Variants in DOP1B observed in about 807,000 individuals in gnomAD.
DOP1B encodes protein DOP1B.
In DOP1B, 174 loss-of-function variants were observed where a neutral mutation model predicts 233.5. The ratio of observed to expected loss-of-function variants is 0.75; its 90% CI spans 0.66 to 0.85. The LOEUF is 0.85. Ranked by LOEUF, DOP1B falls within the 40% of genes least tolerant of loss-of-function variation. DOP1B has a pLI of 0.00. For synonymous variants in DOP1B, 1,190 were observed against 1,185.6 expected, an observed-to-expected ratio of 1.00 and a Z score of -0.08; for missense variants, 2,652 against 2,846.6, an observed-to-expected ratio of 0.93 and a Z score of 1.56.
At chr21:36,170,040 C>T (rs1238054505) in intron 2 of DOP1B, 1 of 728,386 alleles carries the variant, frequency 1.4e-6, no homozygotes. Flanking sequence ...CCTTGTATCC[C>T]AGGAAGGCTG....
intron 27 of DOP1B, among the ~76,000 whole-genome samples, chr21:36,270,552 C>CAAAAAAA (rs398040600): frequency 2.7e-5 from 1 of 36,826 alleles, no homozygotes. Context: ...GACTCCGTCT[C>CAAAAAAA]AAAAAAAAAA....
intron 2 of DOP1B, among the ~76,000 whole-genome samples, chr21:36,179,689 G>T (rs1483477888): frequency 7.2e-5 from 11 of 152,106 alleles, no homozygotes; most frequent in Admixed American, 7.2e-4. Context: ...TAAATAAGGG[G>T]GAAGAAAGGA....
Position 36,246,618 on chromosome 21 carries a change from C to T in DOP1B, c.4638C>T (p.Cys1546=). ...WTVTPFVVQI[C]KNLDDLVKQY... ...TGACACCCTTTGTTGTCCAGATTTG[C>T]AAAAACTTGGATGACTTGGTCAAGC... The change falls in exon 19 of 37, where the codon TGC becomes TGT. Residue 1546 remains cysteine, a synonymous_variant. Coordinates refer to ENST00000691173, the MANE Select transcript of DOP1B (RefSeq NM_001320714.2). This position sits in a 1 kb window ranked among gnomAD's most constrained non-coding sequence, Gnocchi z 5.1. 1 of 1,614,092 alleles carries T rather than the reference C, an allele frequency of 6.2e-7. No homozygotes were observed. Among genetic ancestry groups the T allele is most frequent in the Non-Finnish European group, 8.5e-7 (1 of 1,180,036 alleles).
At chr21:36,204,683 C>G (rs2066408143) in intron 4 of DOP1B, among the ~76,000 whole-genome samples, 1 of 54,320 alleles carries the variant, frequency 1.8e-5, no homozygotes. Context: ...TTGAGACAGT[C>G]TCGCTCTGTC....
intron 21 of DOP1B, among the ~76,000 whole-genome samples, chr21:36,249,484 T>C (rs989442812): frequency 2.6e-5 from 4 of 152,138 alleles, no homozygotes; most frequent in African/African-American, 4.8e-5. Context: ...CACCTCTAAA[T>C]GATCTAGAGA....
At chr21:36,222,523 T>C (rs2123521081) in intron 10 of DOP1B, among the ~76,000 whole-genome samples, 1 of 151,170 alleles carries the variant, frequency 6.6e-6, no homozygotes, top group East Asian at 2.0e-4. Flanking sequence ...GAGGCAGAGA[T>C]TGCAGTGAGC....
At chr21:36,289,458 TG>T (rs2067531909) in intron 35 of DOP1B, among the ~76,000 whole-genome samples, 1 of 149,078 alleles carries the variant, frequency 6.7e-6, no homozygotes, top group East Asian at 2.0e-4. Context: ...TGTGTGTGTG[TG>T]TGTGTGTGTG....
At chr21:36,171,664 G>C (rs758264570) in intron 2 of DOP1B, among the ~76,000 whole-genome samples, 5 of 152,182 alleles carry the variant, frequency 3.3e-5, no homozygotes, top group Non-Finnish European at 7.3e-5. Context: ...GGAGAGGCAC[G>C]GGACAGATTG....
In DOP1B at chr21:36,200,521, A is replaced by G. The variant is rs1048903882; in HGVS notation, c.491+20A>G. 6.3e-7 allele frequency: 1 copy of G among 1,588,948 alleles called. No homozygotes were observed. The highest frequency in any genetic ancestry group is 1.3e-5 in the African/African-American group (1 of 74,390). The stretch of plus-strand genomic sequence containing the variant: ...CGACAGGTGCGTGGGCGTCTTGTCC[A>G]GGCTGTGTTTACTCCACTGCTTTAT... On this transcript the variant is annotated intron_variant, in intron 4 of 36. Transcript: ENST00000691173.
chr21:36,208,000 A>T (rs2066448008), intron 4 of DOP1B, among the ~76,000 whole-genome samples: 1 of 152,178 alleles, frequency 6.6e-6, no homozygotes, highest in Non-Finnish European at 1.5e-5. Context: ...TGCTTCTCTT[A>T]AAAGGATGCA....
intron 8 of DOP1B, 119 bp from the exon 9 acceptor site, chr21:36,214,323 G>T: frequency 7.9e-7 from 1 of 1,261,662 alleles, no homozygotes; most frequent in South Asian, 1.4e-5. Context: ...GGTATTTGTT[G>T]CATGCTGGGT....
Position 36,281,504 on chromosome 21 carries a change from A to G in DOP1B, c.6053A>G (p.Lys2018Arg). 1 of 1,605,338 alleles carries G rather than the reference A, an allele frequency of 6.2e-7. No individual in the cohort carries two copies. Among genetic ancestry groups the G allele is most frequent in the Non-Finnish European group, 8.5e-7 (1 of 1,172,802 alleles). The change falls in exon 32 of 37, where the codon AAA (lysine) becomes AGA (arginine). Residue 2018 changes from lysine to arginine, a missense_variant. Around this residue, in one of 3 missense-constraint regions of DOP1B, gnomAD observed 2,617 missense variants for 2,794.3 expected, o/e 0.94. Coordinates refer to ENST00000691173, the MANE Select transcript of DOP1B (RefSeq NM_001320714.2). ...DLMNMQSSSL[K>R]LFSSFEQKAM... ...CTAGACATGCAGAGCAGTTCTTTGA[A>G]ACTATTCTCAAGTTTTGAACAGAAA...
At chr21:36,279,731 T>A (rs750810827) in intron 30 of DOP1B, among the ~76,000 whole-genome samples, 5 of 152,250 alleles carry the variant, frequency 3.3e-5, no homozygotes, top group Non-Finnish European at 7.3e-5. Flanking sequence ...CAGAGTGCCT[T>A]GTCAGTTTGT....
rs539799676 is a variant in DOP1B at position 36,288,824 on chromosome 21, A to G, written c.6353+13A>G. On this transcript the variant is annotated intron_variant, in intron 34 of 36. Coordinates refer to ENST00000691173, the MANE Select transcript of DOP1B (RefSeq NM_001320714.2). ...ATGAGTCATTGAGGTAAGCAGTACA[A>G]GATCTGTACACAAGAGGAAAAGATA... 3.1e-6 allele frequency: 5 copies of G among 1,604,598 alleles called. No homozygotes were observed. Among genetic ancestry groups the G allele is most frequent in the Non-Finnish European group, 4.3e-6 (5 of 1,171,966 alleles).
In DOP1B at chr21:36,233,095, CTCT is replaced by C; in HGVS notation, c.2622+25_2622+27del. ...TATCAGGTATTTCCCACTGGGAACA[CTCT>C]TCTTATGGCCTCCTTCTCCCCCTGA... On this transcript the variant is annotated intron_variant, in intron 15 of 36. Coordinates refer to ENST00000691173, the MANE Select transcript of DOP1B (RefSeq NM_001320714.2). 3.7e-6 allele frequency: 6 copies of C among 1,611,390 alleles called. No homozygotes were observed. The highest frequency in any genetic ancestry group is 5.1e-6 in the Non-Finnish European group (6 of 1,178,610).
chr21:36,235,864 G>GGT (rs1555893476), intron 15 of DOP1B, among the ~76,000 whole-genome samples: 44 of 75,012 alleles, frequency 5.9e-4, no homozygotes, highest in Admixed American at 1.2e-3. Context: ...CAAGGAAGTC[G>GGT]GGGGGGGGGC....
At chr21:36,181,035 C>G (rs931214003) in intron 2 of DOP1B, among the ~76,000 whole-genome samples, 4 of 152,174 alleles carry the variant, frequency 2.6e-5, no homozygotes, top group African/African-American at 9.7e-5. Flanking sequence ...TACCGTCAAC[C>G]AATACTGATT....
At position 36,207,508 on chromosome 21, in the gene DOP1B, T is replaced by G. The variant is rs921281839; in HGVS notation, c.492-1207T>G. Among the ~76,000 whole-genome samples, 67 of 145,188 alleles carry G rather than the reference T, an allele frequency of 4.6e-4. 1 individual carries two copies. The highest frequency in any genetic ancestry group is 1.2e-3 in the African/African-American group (50 of 40,546). The stretch of plus-strand genomic sequence containing the variant: ...CCAAACAGTTTTTTTTGTTTTTTTT[T>G]TTTTTTTTTTTGAGGGGACTCTCAC... On this transcript the variant is annotated intron_variant, in intron 4 of 36. Transcript: ENST00000691173.
At chr21:36,194,985 C>T (rs1198062890) in intron 2 of DOP1B, among the ~76,000 whole-genome samples, 1 of 152,006 alleles carries the variant, frequency 6.6e-6, no homozygotes. Context: ...GCAGGTGGAT[C>T]AATTGAGCCC....
Sources: allele counts gnomAD v4.1 joint callset (sites outside exome capture counted in the v4.1 genomes callset), GRCh38; gene constraint gnomAD v4.1.1; regional missense constraint gnomAD v4.1.1; non-coding constraint Gnocchi (gnomAD v3.1); transcripts MANE v1.5; gene names NCBI Gene and HGNC (gene_info 2026-07-23, HGNC 2026-07-21).